ZFAND3: variants seen among roughly 807,000 people sequenced by gnomAD.
ZFAND3 encodes the protein AN1-type zinc finger protein 3.
Under a neutral mutation model 29.6 loss-of-function variants are expected in ZFAND3, and 10 were observed. That is an observed-to-expected ratio of 0.34 (90% CI 0.21 to 0.57). ZFAND3 has a LOEUF of 0.57. Ranked by LOEUF, ZFAND3 falls within the 20% of genes least tolerant of loss-of-function variation. ZFAND3 has a pLI of 0.86. For missense variants in ZFAND3, 230 were observed against 304.5 expected (o/e 0.76, Z 1.82); for synonymous variants, 128 against 112.6 (o/e 1.14, Z -0.87).
intron 2 of ZFAND3, among the ~76,000 whole-genome samples, chr6:38,004,720 T>C (rs1763019476): frequency 6.6e-6 from 1 of 152,188 alleles, no homozygotes; most frequent in African/African-American, 2.4e-5. Flanking sequence ...CATGATGTTA[T>C]TGTAGAGTAG....
chr6:37,885,486 A>G (rs1485593441), intron 1 of ZFAND3, among the ~76,000 whole-genome samples: 2 of 152,126 alleles, frequency 1.3e-5, no homozygotes, highest in Non-Finnish European at 2.9e-5. Flanking sequence ...TCTTCTAAAA[A>G]TACAAAAATT....
At chr6:37,992,279 A>T (rs16890299) in intron 2 of ZFAND3, among the ~76,000 whole-genome samples, 1 of 152,198 alleles carries the variant, frequency 6.6e-6, no homozygotes, top group Non-Finnish European at 1.5e-5. Context: ...ATCTTTTGCT[A>T]CTGAGAGAAA....
chr6:38,142,283 G>T (rs1483105266), intron 5 of ZFAND3: 2 of 471,526 alleles, frequency 4.2e-6, no homozygotes, highest in Admixed American at 4.7e-5. Context: ...AGAGATGTGT[G>T]GCATTTATAG....
chr6:37,920,807 A>G (rs1165300807), intron 1 of ZFAND3, among the ~76,000 whole-genome samples: 1 of 152,152 alleles, frequency 6.6e-6, no homozygotes, highest in Non-Finnish European at 1.5e-5. Flanking sequence ...TGCACCCCTG[A>G]AAGCCTCCTT....
In ZFAND3 at chr6:38,139,667, A is replaced by G. The variant is rs139651537; in HGVS notation, c.530-12568A>G. On this transcript the variant is annotated intron_variant, in intron 5 of 5. Transcript: ENST00000287218. ...AAATTTTTATTGTAATCAGTGGAGCACGGTAATCACAGACAGGGCTGGATC... is the reference window on the plus strand; with the variant it reads ...AAATTTTTATTGTAATCAGTGGAGCGCGGTAATCACAGACAGGGCTGGATC... Among the ~76,000 whole-genome samples the G allele has an allele frequency of 5.0e-3, 756 of 152,318 alleles. 8 individuals are homozygous for G. Among genetic ancestry groups the G allele is most frequent in the African/African-American group, 0.017 (709 of 41,564 alleles).
At chr6:38,127,909 T>C (rs1047374752) in intron 5 of ZFAND3, among the ~76,000 whole-genome samples, 2 of 152,202 alleles carry the variant, frequency 1.3e-5, no homozygotes, top group Non-Finnish European at 2.9e-5. Flanking sequence ...TACCTCCCTG[T>C]CACTTCTTCC....
chr6:38,045,366 G>T (rs890602894), intron 2 of ZFAND3, among the ~76,000 whole-genome samples: 1 of 152,128 alleles, frequency 6.6e-6, no homozygotes, highest in Non-Finnish European at 1.5e-5. Context: ...TGGGATTGCA[G>T]ATTTGAGCCA....
rs139688775 is a variant in ZFAND3, at chr6:37,934,071, A to G, written c.112+4072A>G. ...CCTGGCTAATTTTTGTGTTTTTAGT[A>G]GAGACAGAGTTTCTCCATGTTGGTC... is the stretch of plus-strand genomic sequence containing the variant. On this transcript the variant is annotated intron_variant, in intron 2 of 5. Transcript: ENST00000287218. Among the ~76,000 whole-genome samples the G allele has an allele frequency of 0.017, 2,584 of 151,636 alleles. 256 individuals are homozygous for G. In the East Asian group the frequency reaches 0.28, roughly 17 times the overall value.
At position 38,127,156 on chromosome 6, in the gene ZFAND3, T is replaced by C. The variant is rs74293619; in HGVS notation, c.529+10417T>C. Among the ~76,000 whole-genome samples, 161 of 152,322 alleles carry C rather than the reference T, an allele frequency of 1.1e-3. 1 individual carries two copies. In the East Asian group the frequency reaches 0.029, roughly 27 times the overall value. On this transcript the variant is annotated intron_variant, in intron 5 of 5. Coordinates refer to ENST00000287218, the MANE Select transcript of ZFAND3 (RefSeq NM_021943.3). ...GAATAGAAGTGGAGTCATCCTTGCCTTTTCCTTGATCTTAGGTAGAAAACA... is the reference window on the plus strand; with the variant it reads ...GAATAGAAGTGGAGTCATCCTTGCCCTTTCCTTGATCTTAGGTAGAAAACA...
chr6:37,960,803 G>C (rs933841409), intron 2 of ZFAND3, among the ~76,000 whole-genome samples: 1 of 152,036 alleles, frequency 6.6e-6, no homozygotes, highest in Non-Finnish European at 1.5e-5. Flanking sequence ...AAATTGACTG[G>C]TTTTGGTGGC....
intron 5 of ZFAND3, chr6:38,142,327 A>C (rs920011485): frequency 6.4e-6 from 3 of 471,446 alleles, no homozygotes; most frequent in Middle Eastern, 6.5e-4. Flanking sequence ...CCACTCGGAC[A>C]TTCTGTGACT....
chr6:37,863,999 T>C (rs1281782426), intron 1 of ZFAND3, among the ~76,000 whole-genome samples: 1 of 152,160 alleles, frequency 6.6e-6, no homozygotes, highest in Non-Finnish European at 1.5e-5. Context: ...ATATGTTGTT[T>C]AGACAGCTTT....
chr6:37,861,689 T>G (rs1764494798), intron 1 of ZFAND3, among the ~76,000 whole-genome samples: 1 of 152,222 alleles, frequency 6.6e-6, no homozygotes, highest in Non-Finnish European at 1.5e-5. Flanking sequence ...TGGCTGCAAA[T>G]AAGTCTGTGC....
chr6:37,941,914 A>C, intron 2 of ZFAND3, among the ~76,000 whole-genome samples: 1 of 152,032 alleles, frequency 6.6e-6, no homozygotes, highest in East Asian at 1.9e-4. Flanking sequence ...TCATTTGGAA[A>C]CCTTGTATAG....
chr6:38,152,132 A>G (rs1766240192), intron 5 of ZFAND3, 103 bp from the exon 6 acceptor site: 1 of 1,126,460 alleles, frequency 8.9e-7, no homozygotes, highest in African/African-American at 1.6e-5. Context: ...TTGTCCACTC[A>G]CTGGGATGCC....
At chr6:38,059,006 G>C (rs758517491) in intron 2 of ZFAND3, among the ~76,000 whole-genome samples, 9 of 152,304 alleles carry the variant, frequency 5.9e-5, no homozygotes, top group Admixed American at 3.3e-4. Flanking sequence ...TGGTTCGAAT[G>C]CTATGTCAAG....
chr6:38,010,667 T>G (rs1026369996), intron 2 of ZFAND3, among the ~76,000 whole-genome samples: 1 of 150,062 alleles, frequency 6.7e-6, no homozygotes, highest in African/African-American at 2.5e-5. Flanking sequence ...TGGCGCAATC[T>G]CAGCTCACTG....
At chr6:38,048,539 G>A (rs4541739) in intron 2 of ZFAND3, among the ~76,000 whole-genome samples, 68,850 of 148,126 alleles carry the variant, frequency 0.46, 16,695 homozygotes, top group Non-Finnish European at 0.53. Flanking sequence ...GGAGAATGGC[G>A]TGAACCCAGG....
intron 1 of ZFAND3, among the ~76,000 whole-genome samples, chr6:37,828,724 C>G (rs962803832): frequency 6.6e-6 from 1 of 151,996 alleles, no homozygotes; most frequent in African/African-American, 2.4e-5. Flanking sequence ...TCTTGGCTCA[C>G]TGCAACCTCT....
Sources: gnomAD v4.1 joint callset for allele counts (sites outside exome capture counted in the v4.1 genomes callset) on GRCh38, gnomAD v4.1.1 for gene constraint, MANE v1.5 for transcripts, NCBI Gene and HGNC (gene_info 2026-07-23, HGNC 2026-07-21) for gene names.